Variants in NFATC3 observed in about 807,000 individuals in gnomAD.
The protein encoded by NFATC3 is nuclear factor of activated T-cells, cytoplasmic 3.
NFATC3 carries 46 observed loss-of-function variants against 98.6 expected under a neutral mutation model. That is an observed-to-expected ratio of 0.47 (90% CI 0.37 to 0.60). The LOEUF is 0.60. NFATC3 is among the 20% of genes least tolerant of loss of function. NFATC3 has a pLI of 0.00. For synonymous variants in NFATC3, 512 were observed against 472.2 expected (o/e 1.08, Z -1.09); for missense variants, 1,256 against 1,295.5 (o/e 0.97, Z 0.47).
chr16:68,087,533 A>AT (rs397855678), intron 1 of NFATC3, among the ~76,000 whole-genome samples: 3 of 152,112 alleles, frequency 2.0e-5, no homozygotes, highest in Non-Finnish European at 2.9e-5. Flanking sequence ...TAAGCAGGTA[A>AT]TTTTTTTTAA....
At chr16:68,188,124 A>G (rs2040285767) in intron 8 of NFATC3, among the ~76,000 whole-genome samples, 3 of 152,154 alleles carry the variant, frequency 2.0e-5, no homozygotes, top group South Asian at 2.1e-4. Flanking sequence ...CTGGGTTGCA[A>G]CATCACCCAG....
At chr16:68,176,956 G>T (rs912899670) in intron 6 of NFATC3, among the ~76,000 whole-genome samples, 5 of 150,506 alleles carry the variant, frequency 3.3e-5, no homozygotes, top group Admixed American at 2.0e-4. Flanking sequence ...TCTATTTGTG[G>T]TTGTAGGACT....
chr16:68,091,056 A>T (rs372743971), intron 1 of NFATC3, among the ~76,000 whole-genome samples: 2 of 152,290 alleles, frequency 1.3e-5, no homozygotes, highest in African/African-American at 2.4e-5. Flanking sequence ...GAAAAATTTC[A>T]ATGTCATGTT....
intron 8 of NFATC3, among the ~76,000 whole-genome samples, chr16:68,185,953 G>A (rs1045104095): frequency 1.3e-5 from 2 of 151,002 alleles, no homozygotes; most frequent in African/African-American, 4.9e-5. Flanking sequence ...CAGAATCCTA[G>A]AGGATATTAC....
At chr16:68,143,209 TAA>T (rs5817630) in intron 3 of NFATC3, among the ~76,000 whole-genome samples, 959 of 49,706 alleles carry the variant, frequency 0.019, 9 homozygotes, top group African/African-American at 0.054. Context: ...AAGACCATGC[TAA>T]AAAAAAAAAA....
intron 9 of NFATC3, among the ~76,000 whole-genome samples, chr16:68,222,772 G>A (rs529967300): frequency 6.6e-6 from 1 of 152,304 alleles, no homozygotes; most frequent in South Asian, 2.1e-4. Flanking sequence ...CCTTTTGGGA[G>A]TTCATAGCCT....
At chr16:68,142,395 C>T (rs2037800413) in intron 3 of NFATC3, among the ~76,000 whole-genome samples, 1 of 152,026 alleles carries the variant, frequency 6.6e-6, no homozygotes, top group South Asian at 2.1e-4. Flanking sequence ...TTGTTGGTGG[C>T]GGTGTGTAGC....
At chr16:68,126,426 T>C in intron 2 of NFATC3, 22 bp from the exon 3 acceptor site, 1 of 1,597,482 alleles carries the variant, frequency 6.3e-7, no homozygotes, top group Non-Finnish European at 8.6e-7. Context: ...GTGACATGCA[T>C]CTTTGTGTGT....
chr16:68,217,920 G>T (rs1253673264), intron 9 of NFATC3: 1 of 1,225,828 alleles, frequency 8.2e-7, no homozygotes, highest in African/African-American at 1.6e-5. Context: ...CTGGGTGTCA[G>T]TGTGACTAAC....
chr16:68,101,072 G>A (rs1044196612), intron 1 of NFATC3, among the ~76,000 whole-genome samples: 1 of 152,044 alleles, frequency 6.6e-6, no homozygotes, highest in African/African-American at 2.4e-5. Context: ...TTCATGGATT[G>A]CACTTTTGGT....
In NFATC3 at chr16:68,191,022, AT is replaced by A; in HGVS notation, c.2355del (p.Ile785MetfsTer57). ...SKEQHMIPSP[I>X]VHQPFQVTPT... Reference sequence around the variant, plus strand: ...AGAACAGCATATGATTCCTTCTCCAATTGTACACCAGCCTTTTCAAGTCACA... The same window carrying A: ...AGAACAGCATATGATTCCTTCTCCAATGTACACCAGCCTTTTCAAGTCACA... On this transcript the variant is annotated frameshift_variant, in exon 9 of 10. Coordinates refer to ENST00000346183, the MANE Select transcript of NFATC3 (RefSeq NM_173165.3). LOFTEE classifies it high-confidence loss of function. 6.2e-7 allele frequency: 1 copy of A among 1,614,214 alleles called. No individual in the cohort carries two copies. The highest frequency in any genetic ancestry group is 8.5e-7 in the Non-Finnish European group (1 of 1,180,042).
chr16:68,085,565 T>G lies in NFATC3; in HGVS notation c.-117T>G, dbSNP rs1598326599. ...CCCGCCCGGAAAGTTTGCCGTGGAG[T>G]CGCGACCTCTTGGCCCGCGCGGCCC... is the stretch of plus-strand genomic sequence containing the variant. On this transcript the variant is annotated 5_prime_UTR_variant, in exon 1 of 10. Transcript: ENST00000346183. 1.2e-6 allele frequency: 1 copy of G among 857,692 alleles called. No individual in the cohort carries two copies. The highest frequency in any genetic ancestry group is 1.7e-6 in the Non-Finnish European group (1 of 602,468). 53.1% of individuals were successfully genotyped at this position (857,692 alleles called of 1,614,324 possible).
intron 2 of NFATC3, among the ~76,000 whole-genome samples, 157 bp from the exon 3 acceptor site, chr16:68,126,291 A>G (rs1735933372): frequency 2.0e-5 from 3 of 152,248 alleles, no homozygotes; most frequent in Admixed American, 6.5e-5. Context: ...AGCACTCACC[A>G]TAACCAGAAT....
In NFATC3 at chr16:68,174,381, G is replaced by T. The variant is rs1190366738; in HGVS notation, c.1782G>T (p.Arg594=). The change falls in exon 6 of 10, where the codon CGG becomes CGT. Residue 594 remains arginine, a synonymous_variant. Transcript: ENST00000346183. The part of the protein sequence containing the change: ...IASIPVECSQ[R]SAQELPHIEK... The stretch of plus-strand genomic sequence containing the variant: ...TAAAAAAATTTAAAACAGCCCAGCG[G>T]TCTGCTCAAGAACTTCCTCATATTG... 6.7e-7 allele frequency: 1 copy of T among 1,488,600 alleles called. No individual in the cohort carries two copies. Among genetic ancestry groups the T allele is most frequent in the East Asian group, 2.5e-5 (1 of 40,440 alleles). The allele number at this position is 1,488,600 out of a possible 1,614,324, so 92.2% of individuals were successfully genotyped here. A position where few individuals can be genotyped will look rare whatever the true frequency, so the allele number is the denominator to read the frequency against.
At chr16:68,208,831 T>TTC (rs1188494270) in intron 9 of NFATC3, among the ~76,000 whole-genome samples, 2 of 152,248 alleles carry the variant, frequency 1.3e-5, no homozygotes, top group African/African-American at 4.8e-5. Context: ...TGATTCTATA[T>TTC]TCTGCCACTT....
At chr16:68,113,860 C>T (rs2036116529) in intron 1 of NFATC3, among the ~76,000 whole-genome samples, 1 of 152,268 alleles carries the variant, frequency 6.6e-6, no homozygotes, top group Non-Finnish European at 1.5e-5. Context: ...CCACGATCTG[C>T]CACCGCCACT....
At chr16:68,163,476 T>G (rs576216683) in intron 4 of NFATC3, among the ~76,000 whole-genome samples, 1,915 of 129,418 alleles carry the variant, frequency 0.015, 40 homozygotes, top group African/African-American at 0.052. Flanking sequence ...CGGGCGGGGC[T>G]GCTGGCTGGG....
At chr16:68,165,096 A>C (rs75126935) in intron 4 of NFATC3, among the ~76,000 whole-genome samples, 5,505 of 152,154 alleles carry the variant, frequency 0.036, 105 homozygotes, top group Middle Eastern at 0.15. Context: ...CTCAGTACTT[A>C]ATAACACAGA....
At chr16:68,125,251 G>A (rs912804200) in intron 2 of NFATC3, among the ~76,000 whole-genome samples, 4 of 152,160 alleles carry the variant, frequency 2.6e-5, no homozygotes, top group Non-Finnish European at 5.9e-5. Flanking sequence ...TGAATTCACA[G>A]GAGTAGGACT....
Sources: allele counts gnomAD v4.1 joint callset (sites outside exome capture counted in the v4.1 genomes callset), GRCh38; gene constraint gnomAD v4.1.1; transcripts MANE v1.5; gene names NCBI Gene and HGNC (gene_info 2026-07-23, HGNC 2026-07-21).